DLG2: variants seen among roughly 807,000 people sequenced by gnomAD.
DLG2 encodes the protein discs large MAGUK scaffold protein 2, also known as disks large homolog 2.
A neutral mutation model predicts 132.5 loss-of-function variants in DLG2; 45 were observed. That is an observed-to-expected ratio of 0.34 (90% CI 0.27 to 0.44). DLG2 has a LOEUF of 0.44. Ranked by LOEUF, DLG2 falls within the 20% of genes least tolerant of loss-of-function variation. DLG2 has a pLI of 1.00. For missense variants in DLG2, 1,045 were observed against 1,196.9 expected, an observed-to-expected ratio of 0.87 and a Z score of 1.87; for synonymous variants, 424 against 419.6, an observed-to-expected ratio of 1.01 and a Z score of -0.13.
intron 3 of DLG2, among the ~76,000 whole-genome samples, chr11:85,459,217 G>T (rs1246654706): frequency 2.6e-5 from 4 of 152,142 alleles, no homozygotes; most frequent in Non-Finnish European, 4.4e-5. Context: ...AGGGCCTTTT[G>T]GTTGACTTCA....
intron 8 of DLG2, among the ~76,000 whole-genome samples, chr11:84,170,876 T>G (rs1670681): frequency 6.6e-6 from 1 of 152,148 alleles, no homozygotes; most frequent in Non-Finnish European, 1.5e-5. Flanking sequence ...TGACCAATTG[T>G]TACTGTGATT....
At chr11:84,001,874 T>TC (rs1232474020) in intron 11 of DLG2, among the ~76,000 whole-genome samples, 1 of 151,758 alleles carries the variant, frequency 6.6e-6, no homozygotes, top group Non-Finnish European at 1.5e-5. Flanking sequence ...AAGATGAAAA[T>TC]CAAAAAAGTT....
intron 6 of DLG2, among the ~76,000 whole-genome samples, chr11:84,596,895 G>T (rs917257710): frequency 1.3e-5 from 2 of 152,090 alleles, no homozygotes; most frequent in Admixed American, 6.6e-5. Context: ...ACTATGCTAG[G>T]CATAGGGGAT....
At position 84,876,485 on chromosome 11, in the gene DLG2, T is replaced by C. The variant is rs187948788; in HGVS notation, c.357+235176A>G. On this transcript the variant is annotated intron_variant, in intron 6 of 27. Coordinates refer to ENST00000376104, the MANE Select transcript of DLG2 (RefSeq NM_001142699.3). The stretch of plus-strand genomic sequence containing the variant: ...TTTATTTGTGTAGAGGTGTTTATAG[T>C]ATTCTCTGATGGTAGTTTGTATTTC... Among the ~76,000 whole-genome samples the C allele has an allele frequency of 2.9e-3, 444 of 152,342 alleles. 2 individuals carry two copies. Among genetic ancestry groups the C allele is most frequent in the African/African-American group, 1.0e-2 (415 of 41,586 alleles).
intron 7 of DLG2, among the ~76,000 whole-genome samples, chr11:84,386,431 C>T (rs1025366630): frequency 2.6e-5 from 4 of 152,078 alleles, no homozygotes; most frequent in African/African-American, 4.8e-5. Flanking sequence ...ATTTGACAGT[C>T]TTCCTCAACT....
intron 10 of DLG2, 80 bp downstream of exon 10, chr11:84,098,843 T>C (rs774691534): frequency 1.8e-5 from 27 of 1,491,082 alleles, no homozygotes; most frequent in Non-Finnish European, 2.5e-5. Flanking sequence ...TGTAGAATTA[T>C]TATTCTTCAA....
rs565267146 is a variant in DLG2 at position 84,579,717 on chromosome 11, G to T, written c.358-44986C>A. Among the ~76,000 whole-genome samples, 6 of 152,284 alleles carry T rather than the reference G, an allele frequency of 3.9e-5. No homozygotes were observed. In the East Asian group the frequency reaches 9.6e-4, roughly 24 times the overall value. ...GTTTAGAGTACATCATAAAGTATTG[G>T]ACAGCCATAAACTAGGGAAGTATGC... On this transcript the variant is annotated intron_variant, in intron 6 of 27. Transcript: ENST00000376104.
At chr11:83,881,806 T>G (rs1030746840) in intron 15 of DLG2, among the ~76,000 whole-genome samples, 1 of 152,228 alleles carries the variant, frequency 6.6e-6, no homozygotes, top group African/African-American at 2.4e-5. Context: ...TGTTTATTCT[T>G]ATTGCATTTG....
intron 6 of DLG2, among the ~76,000 whole-genome samples, chr11:84,654,690 TCTTA>T (rs2099686110): frequency 6.6e-6 from 1 of 152,216 alleles, no homozygotes; most frequent in Admixed American, 6.5e-5. Flanking sequence ...GGGGCCTGGA[TCTTA>T]CTTACTTTTG....
At chr11:84,159,147 C>T (rs990025565) in intron 9 of DLG2, among the ~76,000 whole-genome samples, 43 of 152,256 alleles carry the variant, frequency 2.8e-4, no homozygotes, top group African/African-American at 9.6e-4. Context: ...CATTTAGATG[C>T]CAACCACTCC....
intron 4 of DLG2, among the ~76,000 whole-genome samples, chr11:85,170,877 G>A (rs983391259): frequency 1.3e-5 from 2 of 151,426 alleles, no homozygotes; most frequent in Non-Finnish European, 2.9e-5. Context: ...GCTTTCCCTT[G>A]GTCCCACCAG....
intron 11 of DLG2, among the ~76,000 whole-genome samples, chr11:84,016,366 T>C (rs2095186057): frequency 6.6e-6 from 1 of 152,026 alleles, no homozygotes; most frequent in Admixed American, 6.6e-5. Flanking sequence ...ATATCCCATA[T>C]GTCAATTTTT....
chr11:84,438,606 T>C (rs2099008288), intron 7 of DLG2, among the ~76,000 whole-genome samples: 1 of 152,202 alleles, frequency 6.6e-6, no homozygotes, highest in African/African-American at 2.4e-5. Context: ...AATTTTCACA[T>C]TTGATTCTAA....
At position 84,929,284 on chromosome 11, in the gene DLG2, T is replaced by C. The variant is rs11234244; in HGVS notation, c.357+182377A>G. 1.3e-4 allele frequency among the ~76,000 whole-genome samples: 19 copies of C among 151,820 alleles called. No individual in the cohort carries two copies. In the East Asian group the frequency reaches 3.7e-3, roughly 29 times the overall value. ...ACCCCAGTGCCTATACAGTGGTTGA[T>C]TAACTCTTTCACACAAAACAATTCT... is the stretch of plus-strand genomic sequence containing the variant. On this transcript the variant is annotated intron_variant, in intron 6 of 27. Coordinates refer to ENST00000376104, the MANE Select transcript of DLG2 (RefSeq NM_001142699.3).
Position 84,608,097 on chromosome 11 carries a change from T to A in DLG2, c.358-73366A>T, listed in dbSNP as rs146850159. Among the ~76,000 whole-genome samples the A allele has an allele frequency of 1.1e-4, 17 of 152,266 alleles. No individual in the cohort carries two copies. The East Asian group carries it at 3.3e-3, about 29-fold the overall frequency. On this transcript the variant is annotated intron_variant, in intron 6 of 27. Coordinates refer to ENST00000376104, the MANE Select transcript of DLG2 (RefSeq NM_001142699.3). ...CTTATAAGCATCTCTCTAGAGGCAGTGAGCAACAGGAGACTGTGCGACTTT... is the reference window on the plus strand; with the variant it reads ...CTTATAAGCATCTCTCTAGAGGCAGAGAGCAACAGGAGACTGTGCGACTTT...
At chr11:85,317,698 G>A (rs2080780860) in intron 3 of DLG2, among the ~76,000 whole-genome samples, 4 of 151,840 alleles carry the variant, frequency 2.6e-5, no homozygotes, top group Admixed American at 2.6e-4. Context: ...CAGTATAGGT[G>A]CTCAATGATG....
intron 14 of DLG2, among the ~76,000 whole-genome samples, chr11:83,955,610 C>T (rs113927508): frequency 0.017 from 2,660 of 152,280 alleles, 86 homozygotes; most frequent in African/African-American, 0.059. Context: ...CCAAAACTAC[C>T]TATGGCCTGT....
chr11:84,140,515 C>T (rs2094796396), intron 9 of DLG2, among the ~76,000 whole-genome samples: 1 of 152,070 alleles, frequency 6.6e-6, no homozygotes, highest in Admixed American at 6.6e-5. Context: ...ACTGATTTAA[C>T]TGTATTCCTA....
chr11:84,604,387 T>C (rs2099581884), intron 6 of DLG2, among the ~76,000 whole-genome samples: 1 of 151,578 alleles, frequency 6.6e-6, no homozygotes, highest in Non-Finnish European at 1.5e-5. Context: ...GGGAAAGTAA[T>C]GATAAGATAA....
Sources: allele counts gnomAD v4.1 joint callset (sites outside exome capture counted in the v4.1 genomes callset), GRCh38; gene constraint gnomAD v4.1.1; transcripts MANE v1.5; gene names NCBI Gene and HGNC (gene_info 2026-07-23, HGNC 2026-07-21).